NLGN2: variants seen among roughly 807,000 people sequenced by gnomAD.
NLGN2 encodes neuroligin-2.
NLGN2 carries 11 observed loss-of-function variants against 48.6 expected under a neutral mutation model. The observed-to-expected ratio is 0.23, with a 90% confidence interval of 0.14 to 0.37. NLGN2 has a LOEUF of 0.37. Among genes scored for constraint, NLGN2 ranks in the 10% least tolerant of loss-of-function variants. NLGN2 has a pLI of 1.00. For missense variants in NLGN2, 801 were observed against 1,225.2 expected (o/e 0.65, Z 5.17); for synonymous variants, 548 against 550.0 (o/e 1.00, Z 0.05).
Position 7,417,249 on chromosome 17 carries a change from C to A in NLGN2, c.1958C>A (p.Pro653His). ...CCGCCTGCCACCCTGCCTCCCGAGC[C>A]CGAGCCCGAGCCCGGCCCAAGGGCC... Reference protein sequence around the residue: ...PPPPATLPPEPEPEPGPRAYD... With the variant: ...PPPPATLPPEHEPEPGPRAYD... Residue 653 changes from proline (P) to histidine (H), a missense_variant, in exon 7 of 7, where the codon CCC becomes CAC. Physicochemically the swap from Pro to His is moderately conservative, Grantham distance 77. Around this residue, in one of 5 missense-constraint regions of NLGN2, gnomAD observed 276 missense variants for 313.9 expected, o/e 0.88. Coordinates refer to ENST00000302926, the MANE Select transcript of NLGN2 (RefSeq NM_020795.4). 6.4e-7 allele frequency: 1 copy of A among 1,552,540 alleles called. No individual in the cohort carries two copies. Among genetic ancestry groups the A allele is most frequent in the East Asian group, 2.5e-5 (1 of 40,544 alleles).
intron 1 of NLGN2, among the ~76,000 whole-genome samples, chr17:7,410,434 C>G (rs1378776169): frequency 6.6e-6 from 1 of 152,006 alleles, no homozygotes; most frequent in Admixed American, 6.6e-5. Flanking sequence ...CAGTACAATG[C>G]CCTCCACAGA....
In NLGN2 at chr17:7,408,360, C is replaced by G; in HGVS notation, c.105C>G (p.Ser35Arg). The G allele has an allele frequency of 6.7e-7, 1 of 1,493,304 alleles. No individual in the cohort carries two copies. Among genetic ancestry groups the G allele is most frequent in the Non-Finnish European group, 8.9e-7 (1 of 1,125,178 alleles). 92.5% of individuals were successfully genotyped at this position (1,493,304 alleles called of 1,614,324 possible). A position where few individuals can be genotyped will look rare whatever the true frequency, so the allele number is the denominator to read the frequency against. ...GCGGCCCCGGCCTGGGCCTCGGCAGCCTCGGCGAGGAGCGCTTCCCGGTGG... is the reference window on the plus strand; with the variant it reads ...GCGGCCCCGGCCTGGGCCTCGGCAGGCTCGGCGAGGAGCGCTTCCCGGTGG... The part of the protein sequence containing the change: ...APGGPGLGLG[S>R]LGEERFPVVN... Residue 35 changes from serine (S) to arginine (R), a missense_variant, in exon 1 of 7, where the codon AGC becomes AGG. Coordinates refer to ENST00000302926, the MANE Select transcript of NLGN2 (RefSeq NM_020795.4). The surrounding 1 kb of genome is among the most constrained non-coding windows in gnomAD (Gnocchi z 7.5).
chr17:7,416,492 C>T (rs1907107865), intron 6 of NLGN2, among the ~76,000 whole-genome samples: 1 of 152,120 alleles, frequency 6.6e-6, no homozygotes, highest in African/African-American at 2.4e-5. Flanking sequence ...CCACTGACAG[C>T]TCTCCACCTC....
chr17:7,415,520 C>T lies in NLGN2; in HGVS notation c.1047C>T (p.Ile349=), dbSNP rs373956106. 36 of 1,614,086 alleles carry T rather than the reference C, an allele frequency of 2.2e-5. No individual in the cohort carries two copies. The highest frequency in any genetic ancestry group is 2.0e-4 in the Admixed American group (12 of 60,016). ...DQDVQPARYH[I]AFGPVVDGDV... is the part of the protein sequence containing the mutation. Reference sequence around the variant, plus strand: ...GACCCCTTCTCCCCAGCTACCACATCGCCTTTGGGCCCGTGGTGGATGGCG... The same window carrying T: ...GACCCCTTCTCCCCAGCTACCACATTGCCTTTGGGCCCGTGGTGGATGGCG... The change falls in exon 6 of 7, where the codon ATC becomes ATT. Residue 349 remains isoleucine, a synonymous_variant. Transcript: ENST00000302926.
At chr17:7,414,550 G>A in intron 3 of NLGN2, 57 bp downstream of exon 3, 1 of 1,611,548 alleles carries the variant, frequency 6.2e-7, no homozygotes, top group Non-Finnish European at 8.5e-7. Flanking sequence ...GGGCCTGGTG[G>A]GCAGGGTTCC....
Position 7,418,571 on chromosome 17 carries a change from T to C in NLGN2, c.*772T>C, listed in dbSNP as rs1040686352. 3.9e-5 allele frequency: 6 copies of C among 152,224 alleles called. No homozygotes were observed. Among genetic ancestry groups the C allele is most frequent in the African/African-American group, 1.2e-4 (5 of 41,420 alleles). The allele number at this position is 152,224 out of a possible 1,614,324, so 9.4% of individuals were successfully genotyped here. On this transcript the variant is annotated 3_prime_UTR_variant, in exon 7 of 7. Coordinates refer to ENST00000302926, the MANE Select transcript of NLGN2 (RefSeq NM_020795.4). ...CTCTGAGTGGAAACAGGTTCTTGCA[T>C]GTGGATGTGTGTTTCCCCAGGCAGA...
rs753682890 is a variant in NLGN2 at position 7,408,366 on chromosome 17, C to T, written c.111C>T (p.Gly37=). The change falls in exon 1 of 7, where the codon GGC becomes GGT. Residue 37 remains glycine, a synonymous_variant. Transcript: ENST00000302926. The surrounding 1 kb of genome is among the most constrained non-coding windows in gnomAD (Gnocchi z 7.5). ...GGPGLGLGSL[G]EERFPVVNTA... is the part of the protein sequence containing the mutation. ...CCGGCCTGGGCCTCGGCAGCCTCGGCGAGGAGCGCTTCCCGGTGGTGAACA... is the reference window on the plus strand; with the variant it reads ...CCGGCCTGGGCCTCGGCAGCCTCGGTGAGGAGCGCTTCCCGGTGGTGAACA... 35 of 1,499,706 alleles carry T rather than the reference C, an allele frequency of 2.3e-5. No homozygotes were observed. Among genetic ancestry groups the T allele is most frequent in the Admixed American group, 1.1e-4 (5 of 45,412 alleles). The allele number at this position is 1,499,706 out of a possible 1,614,324, so 92.9% of individuals were successfully genotyped here.
upstream of NLGN2, among the ~76,000 whole-genome samples, chr17:7,406,334 C>A (rs992244973): frequency 1.3e-5 from 2 of 151,772 alleles, no homozygotes; most frequent in South Asian, 4.2e-4. Flanking sequence ...GCCCAGAGTA[C>A]CCTCAAGAGG....
upstream of NLGN2, among the ~76,000 whole-genome samples, chr17:7,407,155 C>T (rs1037186767): frequency 1.3e-5 from 2 of 152,146 alleles, no homozygotes; most frequent in African/African-American, 4.8e-5. Flanking sequence ...GAATGGACCA[C>T]CAAACCAAGC....
chr17:7,408,761 A>T lies in NLGN2; in HGVS notation c.457+49A>T. 6.2e-7 allele frequency: 1 copy of T among 1,610,416 alleles called. No homozygotes were observed. The highest frequency in any genetic ancestry group is 1.1e-5 in the South Asian group (1 of 90,882). The stretch of plus-strand genomic sequence containing the variant: ...GGCACCCCGTGGACACAGCCCACAA[A>T]CGCACATGCAGACCCTCAGGCACTG... On this transcript the variant is annotated intron_variant, in intron 1 of 6. Transcript: ENST00000302926. This position sits in a 1 kb window ranked among gnomAD's most constrained non-coding sequence, Gnocchi z 7.5.
At chr17:7,409,840 T>C (rs1906803867) in intron 1 of NLGN2, among the ~76,000 whole-genome samples, 1 of 152,072 alleles carries the variant, frequency 6.6e-6, no homozygotes, top group South Asian at 2.1e-4. Context: ...CACCCCACAA[T>C]CACAATTCCC....
At chr17:7,410,069 C>G (rs533244099) in intron 1 of NLGN2, among the ~76,000 whole-genome samples, 1 of 152,084 alleles carries the variant, frequency 6.6e-6, no homozygotes, top group Non-Finnish European at 1.5e-5. Context: ...TTACCCCACT[C>G]CTACCTAGAG....
rs570919686 is a variant in NLGN2 at position 7,416,817 on chromosome 17, C to G, written c.1635-109C>G. On this transcript the variant is annotated intron_variant, in intron 6 of 6. Coordinates refer to ENST00000302926, the MANE Select transcript of NLGN2 (RefSeq NM_020795.4). ...TGTGACTTTTTCTCTGGCTTTCTTG[C>G]TGTCCCCCTGTCTCTCTGCATCTCT... 7.5e-6 allele frequency: 10 copies of G among 1,334,898 alleles called. No homozygotes were observed. The East Asian group carries it at 2.5e-4, about 33-fold the overall frequency. 82.7% of individuals were successfully genotyped at this position (1,334,898 alleles called of 1,614,324 possible).
intron 1 of NLGN2, among the ~76,000 whole-genome samples, chr17:7,409,995 C>T (rs545168554): frequency 6.6e-6 from 1 of 152,056 alleles, no homozygotes; most frequent in South Asian, 2.1e-4. Context: ...CGCGCCTGGG[C>T]CGTGTGCTCA....
At chr17:7,416,624 T>C (rs1907112382) in intron 6 of NLGN2, among the ~76,000 whole-genome samples, 1 of 152,176 alleles carries the variant, frequency 6.6e-6, no homozygotes, top group Non-Finnish European at 1.5e-5. Flanking sequence ...CTGTGTTTCA[T>C]TCAGGCTCAG....
rs1906718860 is a variant in NLGN2, at chr17:7,408,127, C to T, written c.-129C>T. 1 of 469,240 alleles carries T rather than the reference C, an allele frequency of 2.1e-6. No homozygotes were observed. The highest frequency in any genetic ancestry group is 3.6e-6 in the Non-Finnish European group (1 of 278,142). The allele number at this position is 469,240 out of a possible 1,614,324, so 29.1% of individuals were successfully genotyped here. On this transcript the variant is annotated 5_prime_UTR_variant, in exon 1 of 7. Transcript: ENST00000302926. The surrounding 1 kb of genome is among the most constrained non-coding windows in gnomAD (Gnocchi z 7.5). ...TCTAACCCAGGTCCCTCCCCAACCCCCTCCTCCCTCCTTTCCCCCCGCCCC... is the reference window on the plus strand; with the variant it reads ...TCTAACCCAGGTCCCTCCCCAACCCTCTCCTCCCTCCTTTCCCCCCGCCCC...
chr17:7,408,005 C>A lies in NLGN2; in HGVS notation c.-251C>A, dbSNP rs990336118. The A allele has an allele frequency of 5.7e-6, 2 of 348,326 alleles. No individual in the cohort carries two copies. The highest frequency in any genetic ancestry group is 1.2e-4 in the South Asian group (1 of 8,592). The allele number at this position is 348,326 out of a possible 1,614,324, so 21.6% of individuals were successfully genotyped here. A position where few individuals can be genotyped will look rare whatever the true frequency, so the allele number is the denominator to read the frequency against. On this transcript the variant is annotated 5_prime_UTR_variant, in exon 1 of 7. Transcript: ENST00000302926. The surrounding 1 kb of genome is among the most constrained non-coding windows in gnomAD (Gnocchi z 7.5). Reference sequence around the variant, plus strand: ...CCTCCCTGCCCCTCTCGCTCCACCCCCCGCAGGTCGGGCCTGCCTTCACCT... The same window carrying A: ...CCTCCCTGCCCCTCTCGCTCCACCCACCGCAGGTCGGGCCTGCCTTCACCT...
chr17:7,405,569 G>C (rs1304151274), upstream of NLGN2: 2 of 152,174 alleles, frequency 1.3e-5, no homozygotes, highest in African/African-American at 4.8e-5. This position sits in a 1 kb window ranked among gnomAD's most constrained non-coding sequence, Gnocchi z 6.8. Context: ...CCCCCCACTC[G>C]GAGCCCTGGA....
Position 7,418,657 on chromosome 17 carries a change from C to T in NLGN2, c.*858C>T. The T allele has an allele frequency of 6.6e-6, 1 of 152,366 alleles. No individual in the cohort carries two copies. Among genetic ancestry groups the T allele is most frequent in the Non-Finnish European group, 1.5e-5 (1 of 68,160 alleles). 9.4% of individuals were successfully genotyped at this position (152,366 alleles called of 1,614,324 possible). ...CAGGCCTCAGGCCCAGCACCCAGTT[C>T]CTCCTCACATGGCAGGTGAGCACAG... On this transcript the variant is annotated 3_prime_UTR_variant, in exon 7 of 7. Transcript: ENST00000302926.
Sources: gnomAD v4.1 joint callset for allele counts (sites outside exome capture counted in the v4.1 genomes callset) on GRCh38, gnomAD v4.1.1 for gene constraint, gnomAD v4.1.1 regional missense constraint, Gnocchi (gnomAD v3.1) non-coding constraint, MANE v1.5 for transcripts, NCBI Gene and HGNC (gene_info 2026-07-23, HGNC 2026-07-21) for gene names.